The following TOP1 variants were observed in gnomAD, a reference collection of about 807,000 sequenced individuals.
The protein encoded by TOP1 is DNA topoisomerase 1.
TOP1 carries 10 observed loss-of-function variants against 111.1 expected under a neutral mutation model. That is an observed-to-expected ratio of 0.09 (90% CI 0.06 to 0.15). The LOEUF is 0.15. Among genes scored for constraint, TOP1 ranks in the 10% least tolerant of loss-of-function variants. The pLI, the probability that TOP1 is intolerant of heterozygous loss-of-function variation, is 1.00. For missense variants in TOP1, 474 were observed against 926.7 expected (o/e 0.51, Z 6.34); for synonymous variants, 271 against 302.9 (o/e 0.89, Z 1.10).
At position 41,061,262 on chromosome 20, in the gene TOP1, C is replaced by A; in HGVS notation, c.59-132C>A. The A allele has an allele frequency of 1.4e-6, 1 of 716,548 alleles. No homozygotes were observed. The highest frequency in any genetic ancestry group is 2.2e-6 in the Non-Finnish European group (1 of 459,990). 44.4% of individuals were successfully genotyped at this position (716,548 alleles called of 1,614,324 possible). ...GCTTCTTTGTGAAAGCTTTTTTTTT[C>A]AGTGGCATGTGCTATTATGCCTACC... On this transcript the variant is annotated intron_variant, in intron 2 of 20. Transcript: ENST00000361337. This position sits in a 1 kb window ranked among gnomAD's most constrained non-coding sequence, Gnocchi z 4.6.
Position 41,046,210 on chromosome 20 carries a change from CCTGAGGTAG to C in TOP1, c.59-15183_59-15175del, listed in dbSNP as rs372998449. Among the ~76,000 whole-genome samples, 91 of 152,302 alleles carry C rather than the reference CCTGAGGTAG, an allele frequency of 6.0e-4. No individual in the cohort carries two copies. The highest frequency in any genetic ancestry group is 2.0e-3 in the African/African-American group (84 of 41,562). On this transcript the variant is annotated intron_variant, in intron 2 of 20. Transcript: ENST00000361337. This position sits in a 1 kb window ranked among gnomAD's most constrained non-coding sequence, Gnocchi z 4.3. ...GAATTCTAAGCTTTCATTTATCAAT[CCTGAGGTAG>C]TTAACATTACTATTTCCAGTAATGT...
At chr20:41,103,685 G>C (rs1158108868) in intron 13 of TOP1, among the ~76,000 whole-genome samples, 1 of 151,974 alleles carries the variant, frequency 6.6e-6, no homozygotes, top group East Asian at 1.9e-4. Flanking sequence ...CTGAAGATCT[G>C]GCTGGCCTCA....
chr20:41,097,326 T>G lies in TOP1; in HGVS notation c.837T>G (p.Phe279Leu). The G allele has an allele frequency of 6.2e-7, 1 of 1,613,844 alleles. No individual in the cohort carries two copies. The highest frequency in any genetic ancestry group is 1.1e-5 in the South Asian group (1 of 91,040). The change falls in exon 10 of 21, where the codon TTT (phenylalanine) becomes TTG (leucine). Residue 279 changes from phenylalanine (F) to leucine (L), a missense_variant. Phe to Leu is a conservative substitution (Grantham distance 22). This residue lies in a region of TOP1 where 84 missense variants were observed against 119.2 expected (regional missense o/e 0.70). Transcript: ENST00000361337. The surrounding 1 kb of genome is among the most constrained non-coding windows in gnomAD (Gnocchi z 4.2). ...TTKEIFRKNF[F>L]KDWRKEMTNE... Reference sequence around the variant, plus strand: ...AGGAAATATTTAGGAAAAATTTCTTTAAAGACTGGAGAAAGGTACTGTAGC... The same window carrying G: ...AGGAAATATTTAGGAAAAATTTCTTGAAAGACTGGAGAAAGGTACTGTAGC...
At chr20:41,057,645 A>C (rs1374973711) in intron 2 of TOP1, among the ~76,000 whole-genome samples, 2 of 152,202 alleles carry the variant, frequency 1.3e-5, no homozygotes, top group African/African-American at 2.4e-5. Context: ...TAAATTGACT[A>C]CCCTAAGATA....
intron 2 of TOP1, among the ~76,000 whole-genome samples, chr20:41,041,226 T>C (rs941262733): frequency 2.6e-5 from 4 of 152,034 alleles, no homozygotes; most frequent in Non-Finnish European, 4.4e-5. Context: ...AGTGGGTGAA[T>C]TGCTTTAGCC....
rs764142206 is a variant in TOP1 at position 41,094,481 on chromosome 20, G to T, written c.730+1894G>T. On this transcript the variant is annotated intron_variant, in intron 9 of 20. Transcript: ENST00000361337. This position sits in a 1 kb window ranked among gnomAD's most constrained non-coding sequence, Gnocchi z 4.4. ...AGGGAAAGCTAGATTCCCTAGTCCT[G>T]TGGTTTCTCTTCCTTTTCAAGATAG... is the stretch of plus-strand genomic sequence containing the variant. 2.0e-5 allele frequency among the ~76,000 whole-genome samples: 3 copies of T among 152,158 alleles called. No homozygotes were observed. Among genetic ancestry groups the T allele is most frequent in the Non-Finnish European group, 4.4e-5 (3 of 68,020 alleles).
In TOP1 at chr20:41,029,534, A is replaced by T. The variant is rs569942768; in HGVS notation, c.58+79A>T. On this transcript the variant is annotated intron_variant, in intron 2 of 20. Transcript: ENST00000361337. This position sits in a 1 kb window ranked among gnomAD's most constrained non-coding sequence, Gnocchi z 6.1. ...CCCGCGCCCTGCCGGTGCCGGGCAGAGGACAGACATGGCGTCCCAGAGACT... is the reference window on the plus strand; with the variant it reads ...CCCGCGCCCTGCCGGTGCCGGGCAGTGGACAGACATGGCGTCCCAGAGACT... The T allele has an allele frequency of 9.7e-5, 114 of 1,177,722 alleles. No homozygotes were observed. The highest frequency in any genetic ancestry group is 1.3e-4 in the Non-Finnish European group (109 of 812,486). 73.0% of individuals were successfully genotyped at this position (1,177,722 alleles called of 1,614,324 possible). A position where few individuals can be genotyped will look rare whatever the true frequency, so the allele number is the denominator to read the frequency against.
Position 41,084,522 on chromosome 20 carries a change from A to T in TOP1, c.568A>T (p.Asn190Tyr). Residue 190 changes from asparagine (N) to tyrosine (Y), a missense_variant, in exon 8 of 21, where the codon AAC becomes TAC. Asn to Tyr is a moderately radical substitution (Grantham distance 143, BLOSUM62 -2). Coordinates refer to ENST00000361337, the MANE Select transcript of TOP1 (RefSeq NM_003286.4). ...DKDKKVPEPD[N>Y]KKKKPKKEEE... is the part of the protein sequence containing the mutation. ...AGATAAAAAAGTTCCTGAGCCAGAT[A>T]ACAAGAAAAAGAAGCCGAAGAAAGA... 1 of 1,579,914 alleles carries T rather than the reference A, an allele frequency of 6.3e-7. No homozygotes were observed. The highest frequency in any genetic ancestry group is 8.6e-7 in the Non-Finnish European group (1 of 1,161,388).
Position 41,101,370 on chromosome 20 carries a change from G to A in TOP1, c.1308+17G>A, listed in dbSNP as rs757755089. The A allele has an allele frequency of 2.5e-6, 4 of 1,611,672 alleles. No homozygotes were observed. Among genetic ancestry groups the A allele is most frequent in the South Asian group, 2.2e-5 (2 of 90,972 alleles). ...CGAATCAAGGTAAGGGGATAGTTGA[G>A]AGCTGCACTGGTTCATGGTGCTGAT... On this transcript the variant is annotated intron_variant, in intron 13 of 20. Transcript: ENST00000361337. This position sits in a 1 kb window ranked among gnomAD's most constrained non-coding sequence, Gnocchi z 4.1.
intron 17 of TOP1, among the ~76,000 whole-genome samples, chr20:41,117,704 C>T (rs1451987667): frequency 2.0e-5 from 3 of 151,984 alleles, no homozygotes; most frequent in South Asian, 2.1e-4. Flanking sequence ...AAACTTTTAA[C>T]GTCCCTTCAA....
chr20:41,107,903 G>C (rs1234650771), intron 13 of TOP1, among the ~76,000 whole-genome samples: 1 of 152,118 alleles, frequency 6.6e-6, no homozygotes, highest in Non-Finnish European at 1.5e-5. Context: ...CTGACTTCAA[G>C]TCCCCCCTTC....
In TOP1 at chr20:41,100,258, C is replaced by A. The variant is rs867559080; in HGVS notation, c.1163+15C>A. ...AACTGTAGCAAGTGAGCTCGCACTT[C>A]ATCCTATGGGCCAAAAAGGGGGTGG... is the stretch of plus-strand genomic sequence containing the variant. On this transcript the variant is annotated intron_variant, in intron 12 of 20. Coordinates refer to ENST00000361337, the MANE Select transcript of TOP1 (RefSeq NM_003286.4). This position sits in a 1 kb window ranked among gnomAD's most constrained non-coding sequence, Gnocchi z 4.4. 6.2e-7 allele frequency: 1 copy of A among 1,604,338 alleles called. No homozygotes were observed. Among genetic ancestry groups the A allele is most frequent in the Non-Finnish European group, 8.5e-7 (1 of 1,174,056 alleles).
At chr20:41,044,737 G>T (rs1881530936) in intron 2 of TOP1, among the ~76,000 whole-genome samples, 2 of 152,170 alleles carry the variant, frequency 1.3e-5, no homozygotes, top group Admixed American at 6.5e-5. Context: ...TCCTATATTT[G>T]TGCTGTCCAA....
At position 41,118,284 on chromosome 20, in the gene TOP1, C is replaced by T. The variant is rs765385368; in HGVS notation, c.1938C>T (p.Asn646=). 1 of 1,614,034 alleles carries T rather than the reference C, an allele frequency of 6.2e-7. No individual in the cohort carries two copies. The highest frequency in any genetic ancestry group is 8.5e-7 in the Non-Finnish European group (1 of 1,179,956). The part of the protein sequence containing the change: ...PPKTFEKSMM[N]LQTKIDAKKE... ...AAACTTTTGAGAAGTCTATGATGAA[C>T]TTGCAAACTAAGGTATCTTGGATAA... The change falls in exon 18 of 21, where the codon AAC becomes AAT. Residue 646 remains asparagine, a synonymous_variant. Transcript: ENST00000361337. This position sits in a 1 kb window ranked among gnomAD's most constrained non-coding sequence, Gnocchi z 4.6.
At position 41,101,070 on chromosome 20, in the gene TOP1, A is replaced by G. The variant is rs2034056342; in HGVS notation, c.1164-139A>G. Reference sequence around the variant, plus strand: ...TGGCTGAGGGTAAGTAAAACCATGCATAAGGTGGGACTACTGTATTGACTG... The same window carrying G: ...TGGCTGAGGGTAAGTAAAACCATGCGTAAGGTGGGACTACTGTATTGACTG... On this transcript the variant is annotated intron_variant, in intron 12 of 20. Coordinates refer to ENST00000361337, the MANE Select transcript of TOP1 (RefSeq NM_003286.4). The surrounding 1 kb of genome is among the most constrained non-coding windows in gnomAD (Gnocchi z 4.1). 8 of 752,934 alleles carry G rather than the reference A, an allele frequency of 1.1e-5. No homozygotes were observed. Among genetic ancestry groups the G allele is most frequent in the South Asian group, 1.0e-4 (5 of 47,966 alleles). The allele number at this position is 752,934 out of a possible 1,614,324, so 46.6% of individuals were successfully genotyped here. A position where few individuals can be genotyped will look rare whatever the true frequency, so the allele number is the denominator to read the frequency against.
At chr20:41,119,642 A>G (rs2034390724) in intron 18 of TOP1, among the ~76,000 whole-genome samples, 2 of 152,158 alleles carry the variant, frequency 1.3e-5, no homozygotes, top group Admixed American at 6.5e-5. Flanking sequence ...ATAAGTACCC[A>G]TGAGTAATAT....
Position 41,100,052 on chromosome 20 carries a change from C to G in TOP1, c.976-4C>G, listed in dbSNP as rs1299063785. On this transcript the variant is annotated splice_region_variant and splice_polypyrimidine_tract_variant and intron_variant, in intron 11 of 20. Transcript: ENST00000361337. This position sits in a 1 kb window ranked among gnomAD's most constrained non-coding sequence, Gnocchi z 4.4. ...ATTTTGAGTACTTTCTTGCTGTCTT[C>G]CAGAAAATCAAAGAGGAGAATGAAA... The G allele has an allele frequency of 1.2e-6, 2 of 1,601,280 alleles. No homozygotes were observed. Among genetic ancestry groups the G allele is most frequent in the Non-Finnish European group, 1.7e-6 (2 of 1,170,416 alleles).
rs907607315 is a variant in TOP1 at position 41,067,810 on chromosome 20, T to C, written c.155+6320T>C. Among the ~76,000 whole-genome samples the C allele has an allele frequency of 6.6e-6, 1 of 152,222 alleles. No homozygotes were observed. Among genetic ancestry groups the C allele is most frequent in the African/African-American group, 2.4e-5 (1 of 41,468 alleles). On this transcript the variant is annotated intron_variant, in intron 3 of 20. Transcript: ENST00000361337. The surrounding 1 kb of genome is among the most constrained non-coding windows in gnomAD (Gnocchi z 4.0). ...AGACTTGGAGTGGGAGAGTAGCCAT[T>C]ATGTGCAGAAACAAAATGGGGCTAT...
chr20:41,049,438 A>G (rs1160338184), intron 2 of TOP1, among the ~76,000 whole-genome samples: 1 of 152,204 alleles, frequency 6.6e-6, no homozygotes, highest in East Asian at 1.9e-4. Context: ...CACTTTGCAA[A>G]ATAATTGGCA....
Sources: allele counts gnomAD v4.1 joint callset (sites outside exome capture counted in the v4.1 genomes callset), GRCh38; gene constraint gnomAD v4.1.1; regional missense constraint gnomAD v4.1.1; non-coding constraint Gnocchi (gnomAD v3.1); transcripts MANE v1.5; gene names NCBI Gene and HGNC (gene_info 2026-07-23, HGNC 2026-07-21).